MACF1: variants seen among roughly 807,000 people sequenced by gnomAD.
The protein encoded by MACF1 is microtubule actin crosslinking factor 1.
MACF1 carries 193 observed loss-of-function variants against 854.8 expected under a neutral mutation model. That is an observed-to-expected ratio of 0.23 (90% CI 0.20 to 0.25). MACF1 has a LOEUF of 0.25. Among genes scored for constraint, MACF1 ranks in the 10% least tolerant of loss-of-function variants. The pLI is 1.00. For synonymous variants in MACF1, 3,185 were observed against 3,226.7 expected (o/e 0.99, Z 0.44); for missense variants, 7,722 against 8,929.1 (o/e 0.86, Z 5.45).
chr1:39,410,474 T>C lies in MACF1; in HGVS notation c.15817-11900T>C, dbSNP rs1413835762. The C allele has an allele frequency of 3.1e-6, 5 of 1,613,922 alleles. No individual in the cohort carries two copies. The African/African-American group carries it at 5.3e-5, about 17-fold the overall frequency. On this transcript the variant is annotated intron_variant, in intron 58 of 100. Coordinates refer to ENST00000564288, the MANE Select transcript of MACF1 (RefSeq NM_001394062.1). ...ATGGAAAAGATGGAAGGAAGTACTATATCCAGCAATGGTACATTAGGAGCA... is the reference window on the plus strand; with the variant it reads ...ATGGAAAAGATGGAAGGAAGTACTACATCCAGCAATGGTACATTAGGAGCA...
At chr1:39,358,272 G>T (rs1368575035) in intron 45 of MACF1, among the ~76,000 whole-genome samples, 1 of 152,160 alleles carries the variant, frequency 6.6e-6, no homozygotes, top group Non-Finnish European at 1.5e-5. Flanking sequence ...AGCATCTAGG[G>T]TGAATCCTTA....
At chr1:39,221,521 ACCC>A (rs1384694528) in intron 1 of MACF1, among the ~76,000 whole-genome samples, 1 of 152,056 alleles carries the variant, frequency 6.6e-6, no homozygotes, top group Non-Finnish European at 1.5e-5. Context: ...TACCCAATGT[ACCC>A]TCACCAAATC....
At chr1:39,382,408 T>C (rs1569816756) in intron 56 of MACF1, among the ~76,000 whole-genome samples, 3 of 152,042 alleles carry the variant, frequency 2.0e-5, no homozygotes, top group South Asian at 2.1e-4. Flanking sequence ...AATTGTGGAA[T>C]TACATTTTAC....
At chr1:39,185,524 T>A (rs952736776) in intron 2 of MACF1, among the ~76,000 whole-genome samples, 24 of 151,776 alleles carry the variant, frequency 1.6e-4, no homozygotes, top group South Asian at 8.3e-4. Flanking sequence ...ATTTTTTTTT[T>A]AAATAAACCC....
chr1:39,444,514 T>C, intron 79 of MACF1, 148 bp from the exon 80 acceptor site: 1 of 538,740 alleles, frequency 1.9e-6, no homozygotes, highest in Non-Finnish European at 3.2e-6. Flanking sequence ...CATTCCCTTA[T>C]GGCTCAGCAC....
chr1:39,121,814 G>A (rs1439006794), intron 2 of MACF1, among the ~76,000 whole-genome samples: 1 of 152,178 alleles, frequency 6.6e-6, no homozygotes, highest in Non-Finnish European at 1.5e-5. Flanking sequence ...TTTTACAGAT[G>A]AGAGAACTGA....
intron 2 of MACF1, among the ~76,000 whole-genome samples, chr1:39,106,272 C>G (rs1259859366): frequency 1.3e-5 from 2 of 152,052 alleles, no homozygotes. Context: ...AGACCTTACC[C>G]CCTCCATCTC....
At chr1:39,140,052 C>T (rs182861270) in intron 2 of MACF1, among the ~76,000 whole-genome samples, 4 of 151,888 alleles carry the variant, frequency 2.6e-5, no homozygotes, top group Non-Finnish European at 1.5e-5. Flanking sequence ...CTCCTGGGCT[C>T]AAGAGATTGT....
At chr1:39,145,389 C>A (rs1643439546) in intron 2 of MACF1, among the ~76,000 whole-genome samples, 1 of 152,196 alleles carries the variant, frequency 6.6e-6, no homozygotes, top group Non-Finnish European at 1.5e-5. Context: ...GGTCTCTGGG[C>A]ATATACATAT....
chr1:39,178,669 C>T (rs544124492), intron 2 of MACF1, among the ~76,000 whole-genome samples: 5 of 152,240 alleles, frequency 3.3e-5, no homozygotes, highest in South Asian at 4.1e-4. Context: ...GACACCCCCA[C>T]GTCTTTACTG....
chr1:39,237,952 G>A (rs567049816), intron 2 of MACF1, among the ~76,000 whole-genome samples: 4 of 152,116 alleles, frequency 2.6e-5, no homozygotes, highest in Non-Finnish European at 4.4e-5. Context: ...ACTTGTCAAT[G>A]TTGTTCCTTA....
chr1:39,293,129 A>G (rs1455748031), intron 17 of MACF1, among the ~76,000 whole-genome samples: 1 of 152,168 alleles, frequency 6.6e-6, no homozygotes, highest in Non-Finnish European at 1.5e-5. Context: ...CCAAAACTAA[A>G]AGTTTGAGAT....
intron 58 of MACF1, among the ~76,000 whole-genome samples, chr1:39,407,468 A>G (rs1250361001): frequency 6.6e-6 from 1 of 152,218 alleles, no homozygotes; most frequent in Non-Finnish European, 1.5e-5. Flanking sequence ...AAAAATATTA[A>G]AACTAGAAAG....
At chr1:39,177,565 G>A (rs959899652) in intron 2 of MACF1, among the ~76,000 whole-genome samples, 10 of 152,138 alleles carry the variant, frequency 6.6e-5, no homozygotes, top group Non-Finnish European at 1.0e-4. Flanking sequence ...CATATCATTC[G>A]TAAATGTTAT....
At chr1:39,246,785 C>T (rs145576588) in intron 2 of MACF1, among the ~76,000 whole-genome samples, 12 of 152,092 alleles carry the variant, frequency 7.9e-5, no homozygotes, top group African/African-American at 2.9e-4. Flanking sequence ...GCTGAGATTA[C>T]AGGTGTGAGA....
At chr1:39,431,036 A>G in intron 66 of MACF1, 128 bp downstream of exon 66, 1 of 878,418 alleles carries the variant, frequency 1.1e-6, no homozygotes, top group African/African-American at 1.7e-5. Context: ...TGGAATAAAT[A>G]TGTTTCATTG....
chr1:39,267,104 G>C (rs75662099), intron 6 of MACF1, among the ~76,000 whole-genome samples: 3,037 of 152,324 alleles, frequency 0.02, 107 homozygotes, highest in African/African-American at 0.07. Context: ...TTCCACTACT[G>C]CAGTAGTTAG....
rs759800806 is a variant in MACF1 at position 39,285,580 on chromosome 1, T to G, written c.1354-24T>G. ...AGTGGGGCAATGGAAGTTTTCCCAC[T>G]GTTATTCTCTCTTCCTGTCTCAGGA... On this transcript the variant is annotated intron_variant, in intron 13 of 100. Transcript: ENST00000564288. 5.0e-6 allele frequency: 8 copies of G among 1,609,254 alleles called. No homozygotes were observed. Among genetic ancestry groups the G allele is most frequent in the African/African-American group, 1.3e-5 (1 of 74,790 alleles).
In MACF1 at chr1:39,332,758, G is replaced by T. The variant is rs965446213; in HGVS notation, c.6170G>T (p.Cys2057Phe). 6.2e-7 allele frequency: 1 copy of T among 1,614,038 alleles called. No homozygotes were observed. Among genetic ancestry groups the T allele is most frequent in the African/African-American group, 1.3e-5 (1 of 74,914 alleles). ...QNKEYPDREDCTTEKGKKTTV... is the reference protein window; with the variant it reads ...QNKEYPDREDFTTEKGKKTTV... ...AAAGAATATCCCGATCGGGAAGATT[G>T]CACTACAGAAAAAGGCAAAAAGACC... is the stretch of plus-strand genomic sequence containing the variant. Residue 2057 changes from cysteine (C) to phenylalanine (F), a missense_variant, in exon 37 of 101, where the codon TGC becomes TTC. By Grantham distance (205) the Cys-to-Phe change is radical. Transcript: ENST00000564288.
Sources: gnomAD v4.1 joint callset for allele counts (sites outside exome capture counted in the v4.1 genomes callset) on GRCh38, gnomAD v4.1.1 for gene constraint, MANE v1.5 for transcripts, NCBI Gene and HGNC (gene_info 2026-07-23, HGNC 2026-07-21) for gene names.